The following MICAL3 variants were observed in gnomAD, a reference collection of about 807,000 sequenced individuals.
MICAL3 encodes microtubule associated monooxygenase, calponin and LIM domain containing 3, also known as [F-actin]-monooxygenase MICAL3.
Under a neutral mutation model 207.4 loss-of-function variants are expected in MICAL3, and 62 were observed. The observed-to-expected ratio is 0.30, with a 90% CI of 0.24 to 0.37. The LOEUF (loss-of-function observed/expected upper bound fraction) is 0.37. MICAL3 is among the 10% of genes least tolerant of loss of function. The pLI, the probability that MICAL3 is intolerant of heterozygous loss-of-function variation, is 1.00. For synonymous variants in MICAL3, 1,077 were observed against 1,069.3 expected (o/e 1.01, Z -0.14); for missense variants, 2,368 against 2,635.6 (o/e 0.90, Z 2.22).
At chr22:17,898,921 G>A (rs142755961) in intron 7 of MICAL3, among the ~76,000 whole-genome samples, 248 of 152,238 alleles carry the variant, frequency 1.6e-3, no homozygotes, top group African/African-American at 5.8e-3. Context: ...AACTGTATCG[G>A]CAGTGACACC....
chr22:17,860,673 T>C (rs968412269), intron 19 of MICAL3: 2 of 985,120 alleles, frequency 2.0e-6, no homozygotes, highest in Admixed American at 1.2e-4. Context: ...GTGAGGCGGG[T>C]GCCCGGCTCT....
At chr22:17,813,446 G>A (rs948049425) in intron 27 of MICAL3, 4 of 152,226 alleles carry the variant, frequency 2.6e-5, no homozygotes, top group Non-Finnish European at 4.4e-5. Flanking sequence ...GCCTACAGGC[G>A]AGGGAAGAAT....
intron 29 of MICAL3, among the ~76,000 whole-genome samples, chr22:17,801,910 C>T (rs991832675): frequency 6.7e-6 from 1 of 149,184 alleles, no homozygotes; most frequent in Middle Eastern, 3.4e-3. Context: ...AACAAACAAA[C>T]AACAACAACA....
intron 1 of MICAL3, among the ~76,000 whole-genome samples, chr22:17,989,987 C>T (rs1021614885): frequency 6.6e-6 from 1 of 152,058 alleles, no homozygotes; most frequent in African/African-American, 2.4e-5. Context: ...GAGACAAGGT[C>T]GTAGTACACT....
At chr22:17,794,224 G>A (rs1336950849) in intron 29 of MICAL3, among the ~76,000 whole-genome samples, 1 of 152,216 alleles carries the variant, frequency 6.6e-6, no homozygotes, top group Non-Finnish European at 1.5e-5. Context: ...TTGTCATACC[G>A]GGGCCTTTGG....
rs147352668 is a variant in MICAL3 at position 17,895,640 on chromosome 22, C to T, written c.1323-230G>A. Among the ~76,000 whole-genome samples, 43 of 152,014 alleles carry T rather than the reference C, an allele frequency of 2.8e-4. No individual in the cohort carries two copies. The East Asian group carries it at 7.7e-3, about 27-fold the overall frequency. ...CGAGGAGAGAGAGCAGGCACAAAAC[C>T]GTGAGCGCCCACAGATGCTGCCTCC... On this transcript the variant is annotated intron_variant, in intron 9 of 31. Transcript: ENST00000441493.
At chr22:17,872,140 G>T in intron 16 of MICAL3, 117 bp from the exon 17 acceptor site, 1 of 832,230 alleles carries the variant, frequency 1.2e-6, no homozygotes, top group Non-Finnish European at 1.8e-6. Flanking sequence ...TCTGCTTTGA[G>T]ACAGACTTCT....
chr22:17,979,803 AACCC>A (rs768833498), intron 1 of MICAL3, among the ~76,000 whole-genome samples: 1 of 151,682 alleles, frequency 6.6e-6, no homozygotes, highest in Non-Finnish European at 1.5e-5. Context: ...ACAAAAAAAA[AACCC>A]ACAGGTTTTT....
At chr22:17,826,474 C>G in intron 22 of MICAL3, 1 of 985,938 alleles carries the variant, frequency 1.0e-6, no homozygotes, top group South Asian at 4.7e-5. Flanking sequence ...CGTCTCCAGC[C>G]AGGCCTGCAC....
chr22:17,988,503 G>A lies in MICAL3; in HGVS notation c.-75+35778C>T, dbSNP rs138069710. 2.3e-3 allele frequency among the ~76,000 whole-genome samples: 356 copies of A among 152,320 alleles called. 5 individuals carry two copies. Among genetic ancestry groups the A allele is most frequent in the South Asian group, 5.2e-3 (25 of 4,826 alleles). On this transcript the variant is annotated intron_variant, in intron 1 of 31. Coordinates refer to ENST00000441493, the MANE Select transcript of MICAL3 (RefSeq NM_015241.3). ...GGAGTCTCACTCTGTCGCCCAGGCT[G>A]GAGTGCAGTGACGCGATCTTGGCTC...
At chr22:17,910,577 C>G (rs1481824026) in intron 1 of MICAL3, among the ~76,000 whole-genome samples, 1 of 152,192 alleles carries the variant, frequency 6.6e-6, no homozygotes, top group African/African-American at 2.4e-5. Context: ...CAGGATGGCT[C>G]CTGGAACAAT....
intron 11 of MICAL3, among the ~76,000 whole-genome samples, chr22:17,892,980 T>A (rs572477882): frequency 6.6e-6 from 1 of 152,198 alleles, no homozygotes; most frequent in South Asian, 2.1e-4. Flanking sequence ...GCAATGACCA[T>A]CCACCACAGG....
At chr22:17,824,667 G>A (rs961766258) in intron 22 of MICAL3, among the ~76,000 whole-genome samples, 1 of 152,172 alleles carries the variant, frequency 6.6e-6, no homozygotes, top group Admixed American at 6.5e-5. Flanking sequence ...CTGACAGTTA[G>A]GGCCATGTGC....
chr22:17,794,411 G>A (rs769955370), intron 29 of MICAL3, among the ~76,000 whole-genome samples: 6 of 152,272 alleles, frequency 3.9e-5, no homozygotes, highest in Non-Finnish European at 7.3e-5. Flanking sequence ...AGGCAAAGCT[G>A]GCCTTGACAA....
In MICAL3 at chr22:17,826,385, A is replaced by G. The variant is rs911391572; in HGVS notation, c.3193+1259T>C. ...GCAACAGGCCCAGGAGTCTAGTGTT[A>G]AGGTACCAGCAGAGCCGCCTAGAGA... On this transcript the variant is annotated intron_variant, in intron 22 of 31. Transcript: ENST00000441493. 7.0e-6 allele frequency: 6 copies of G among 863,158 alleles called. No individual in the cohort carries two copies. In the East Asian group the frequency reaches 4.9e-4, roughly 70 times the overall value. 53.5% of individuals were successfully genotyped at this position (863,158 alleles called of 1,614,324 possible). A position where few individuals can be genotyped will look rare whatever the true frequency, so the allele number is the denominator to read the frequency against.
chr22:17,830,125 G>A (rs956053291), intron 21 of MICAL3, among the ~76,000 whole-genome samples: 17 of 152,130 alleles, frequency 1.1e-4, no homozygotes, highest in South Asian at 2.1e-4. Flanking sequence ...TGGCCTTGCA[G>A]TTCTGTGTCC....
At chr22:17,843,870 G>A (rs1005100294) in intron 19 of MICAL3, among the ~76,000 whole-genome samples, 7 of 150,380 alleles carry the variant, frequency 4.7e-5, no homozygotes, top group Non-Finnish European at 8.8e-5. Context: ...TTTTTGAGAC[G>A]GAGTCTCGCT....
At chr22:17,837,138 C>G (rs568675999) in intron 20 of MICAL3, among the ~76,000 whole-genome samples, 152 of 152,326 alleles carry the variant, frequency 1.0e-3, no homozygotes, top group Non-Finnish European at 1.9e-3. Context: ...AGGCTTTACA[C>G]GGTGGAAATG....
chr22:17,882,097 T>G (rs1209505326), intron 16 of MICAL3, among the ~76,000 whole-genome samples: 1 of 152,170 alleles, frequency 6.6e-6, no homozygotes, highest in Non-Finnish European at 1.5e-5. Flanking sequence ...AACAGCCCCG[T>G]ACTCGCTCAG....
Sources: allele counts gnomAD v4.1 joint callset (sites outside exome capture counted in the v4.1 genomes callset), GRCh38; gene constraint gnomAD v4.1.1; transcripts MANE v1.5; gene names NCBI Gene and HGNC (gene_info 2026-07-23, HGNC 2026-07-21).